Variants in PCTP observed in about 807,000 individuals in gnomAD.
PCTP encodes START domain-containing protein 2.
A neutral mutation model predicts 31.0 loss-of-function variants in PCTP; 27 were observed. The ratio of observed to expected loss-of-function variants is 0.87; its 90% CI spans 0.64 to 1.20. The LOEUF (loss-of-function observed/expected upper bound fraction) is 1.20. Ranked by LOEUF, PCTP falls within the 50% of genes most tolerant of loss-of-function variation. The pLI is 0.00. For synonymous variants in PCTP, 108 were observed against 101.2 expected (o/e 1.07, Z -0.40); for missense variants, 287 against 268.2 (o/e 1.07, Z -0.49).
intron 1 of PCTP, among the ~76,000 whole-genome samples, chr17:55,757,953 G>T (rs1406579572): frequency 3.3e-5 from 5 of 152,190 alleles, no homozygotes; most frequent in African/African-American, 1.2e-4. Context: ...GGTCACTTGG[G>T]AGTAAATGTG....
At position 55,822,683 on chromosome 17, in the gene PCTP, G is replaced by T. The variant is rs571627437; in HGVS notation, c.318-78G>T. 3.3e-5 allele frequency: 23 copies of T among 689,090 alleles called. No homozygotes were observed. The South Asian group carries it at 1.4e-3, about 41-fold the overall frequency. 42.7% of individuals were successfully genotyped at this position (689,090 alleles called of 1,614,324 possible). ...CATGACTATCCAAACCCCTTATTCT[G>T]TGCATCCTGAAGTATCCCCAGGAAT... On this transcript the variant is annotated intron_variant, in intron 3 of 3. Coordinates refer to the PCTP transcript ENST00000572536.
chr17:55,832,071 T>C (rs1274355424), intron 5 of PCTP, among the ~76,000 whole-genome samples: 1 of 151,988 alleles, frequency 6.6e-6, no homozygotes, highest in African/African-American at 2.4e-5. Flanking sequence ...CGAGACTCCA[T>C]CTCAAACAAA....
chr17:55,827,368 C>T (rs1905434116), downstream of PCTP, among the ~76,000 whole-genome samples: 1 of 152,230 alleles, frequency 6.6e-6, no homozygotes, highest in African/African-American at 2.4e-5. Flanking sequence ...AATGTTCAGC[C>T]AGCCTCCTGC....
intron 2 of PCTP, among the ~76,000 whole-genome samples, chr17:55,786,208 G>A (rs1207428578): frequency 2.0e-5 from 3 of 152,112 alleles, no homozygotes; most frequent in Admixed American, 6.5e-5. Context: ...ACTTGAACCC[G>A]GGAGGTAGTG....
At chr17:55,778,734 G>C (rs1397020868), downstream of PCTP, among the ~76,000 whole-genome samples, 1 of 152,158 alleles carries the variant, frequency 6.6e-6, no homozygotes, top group Non-Finnish European at 1.5e-5. Context: ...TATAATGTTA[G>C]AGAAATGGCA....
intron 3 of PCTP, among the ~76,000 whole-genome samples, chr17:55,810,993 G>A (rs1912733455): frequency 6.6e-6 from 1 of 152,112 alleles, no homozygotes; most frequent in Non-Finnish European, 1.5e-5. Flanking sequence ...AAGACATCAG[G>A]GGAGGCCGGA....
At position 55,775,424 on chromosome 17, in the gene PCTP, C is replaced by T. The variant is rs1395604333; in HGVS notation, c.579+565C>T. ...TACTACTAGAGAGCTCAACAGATTC[C>T]TTGGAAGAGTGAAAAAGCACATCAA... On this transcript the variant is annotated intron_variant, in intron 5 of 5. Transcript: ENST00000268896. The T allele has an allele frequency of 2.4e-6, 3 of 1,231,924 alleles. No homozygotes were observed. The African/African-American group carries it at 4.7e-5, about 19-fold the overall frequency. 76.3% of individuals were successfully genotyped at this position (1,231,924 alleles called of 1,614,324 possible).
chr17:55,804,412 C>T (rs1183007828), intron 3 of PCTP, among the ~76,000 whole-genome samples: 1 of 152,118 alleles, frequency 6.6e-6, no homozygotes, highest in African/African-American at 2.4e-5. Context: ...GACACATGCG[C>T]ATGTATATTT....
downstream of PCTP, among the ~76,000 whole-genome samples, chr17:55,845,600 T>C (rs370172651): frequency 5.9e-5 from 9 of 152,354 alleles, no homozygotes; most frequent in African/African-American, 2.2e-4. Flanking sequence ...GATTTTGGGT[T>C]TCCCCTCCCC....
chr17:55,826,066 T>C (rs376104862), downstream of PCTP, among the ~76,000 whole-genome samples: 21 of 152,306 alleles, frequency 1.4e-4, 2 homozygotes, highest in Admixed American at 9.1e-4. Flanking sequence ...TGGCCAGAGA[T>C]CACACAGTTA....
chr17:55,770,797 G>T (rs2144957291), intron 2 of PCTP: 2 of 210,800 alleles, frequency 9.5e-6, no homozygotes, highest in East Asian at 1.1e-4. Flanking sequence ...TTGGCTCACT[G>T]CAGCCTTGAC....
At chr17:55,811,588 AT>A (rs1366979472) in intron 3 of PCTP, among the ~76,000 whole-genome samples, 1 of 152,222 alleles carries the variant, frequency 6.6e-6, no homozygotes, top group East Asian at 1.9e-4. Context: ...GCTGGAGAGC[AT>A]TGCCTGTCTG....
chr17:55,844,653 C>T (rs146083575), downstream of PCTP, among the ~76,000 whole-genome samples: 52 of 152,096 alleles, frequency 3.4e-4, 1 homozygote, highest in South Asian at 3.7e-3. Context: ...ATAGACTCAC[C>T]GACATAGAAT....
At chr17:55,802,405 C>T (rs1912416047) in intron 3 of PCTP, among the ~76,000 whole-genome samples, 1 of 152,102 alleles carries the variant, frequency 6.6e-6, no homozygotes, top group Admixed American at 6.6e-5. Flanking sequence ...CTCGCAGAGA[C>T]AGAACAACAA....
At chr17:55,829,241 C>A (rs1456238502) in intron 5 of PCTP, among the ~76,000 whole-genome samples, 1 of 151,586 alleles carries the variant, frequency 6.6e-6, no homozygotes, top group African/African-American at 2.4e-5. Context: ...GACATACTTA[C>A]ACTTCACCTA....
chr17:55,795,061 C>CT (rs779243428), intron 3 of PCTP, among the ~76,000 whole-genome samples: 1 of 152,030 alleles, frequency 6.6e-6, no homozygotes, highest in Non-Finnish European at 1.5e-5. Context: ...CATACACACA[C>CT]TAACCCTCCT....
chr17:55,827,326 C>A (rs1219808783), downstream of PCTP, among the ~76,000 whole-genome samples: 3 of 152,170 alleles, frequency 2.0e-5, no homozygotes, highest in Non-Finnish European at 4.4e-5. Flanking sequence ...CAAGACACCC[C>A]AGCCAACCAC....
At chr17:55,762,931 A>T (rs1463453268) in intron 1 of PCTP, among the ~76,000 whole-genome samples, 1 of 152,252 alleles carries the variant, frequency 6.6e-6, no homozygotes. Context: ...GATACTGGCT[A>T]ATTCTCTACT....
At chr17:55,761,126 C>G (rs993463106) in intron 1 of PCTP, among the ~76,000 whole-genome samples, 1 of 152,130 alleles carries the variant, frequency 6.6e-6, no homozygotes, top group East Asian at 1.9e-4. Flanking sequence ...AGGACTTAGG[C>G]AAGTAAGTTG....
Sources: gnomAD v4.1 joint callset for allele counts (sites outside exome capture counted in the v4.1 genomes callset) on GRCh38, gnomAD v4.1.1 for gene constraint, MANE v1.5 for transcripts, NCBI Gene and HGNC (gene_info 2026-07-23, HGNC 2026-07-21) for gene names.